Variants in C20orf96 observed in about 807,000 individuals in gnomAD.
C20orf96 encodes the protein uncharacterized protein C20orf96.
Under a neutral mutation model 52.6 loss-of-function variants are expected in C20orf96, and 57 were observed. The ratio of observed to expected loss-of-function variants is 1.08; its 90% CI spans 0.88 to 1.35. The LOEUF (loss-of-function observed/expected upper bound fraction) is 1.35, where lower values mean the gene tolerates loss of function less well. Ranked by LOEUF, C20orf96 falls within the 40% of genes most tolerant of loss-of-function variation. The pLI, the probability that C20orf96 is intolerant of heterozygous loss-of-function variation, is 0.00. For missense variants in C20orf96, 478 were observed against 443.6 expected, an observed-to-expected ratio of 1.08 and a Z score of -0.70; for synonymous variants, 168 against 157.2, an observed-to-expected ratio of 1.07 and a Z score of -0.51.
At chr20:289,765 T>C (rs2012489691) in intron 2 of C20orf96, 89 bp from the exon 3 acceptor site, 4 of 1,029,718 alleles carry the variant, frequency 3.9e-6, no homozygotes, top group Non-Finnish European at 6.0e-6. Flanking sequence ...AGCAAGTGAC[T>C]TGACCTCTCC....
intron 6 of C20orf96, 137 bp from the exon 7 acceptor site, chr20:277,520 T>C: frequency 1.2e-6 from 1 of 824,802 alleles, no homozygotes; most frequent in Admixed American, 2.3e-5. Flanking sequence ...CACACAGGGC[T>C]GGGAGGTGGT....
rs71327437 is a variant in C20orf96, at chr20:287,908, C to CAAAAAAAAAAAA, written c.187+1639_187+1650dup. ...TGAGCAACAAAGCGAGACTCCTTCT[C>CAAAAAAAAAAAA]AAAAAAAAAAAAAAAAAAAAAAGTC... On this transcript the variant is annotated intron_variant, in intron 3 of 10. Coordinates refer to ENST00000360321, the MANE Select transcript of C20orf96 (RefSeq NM_153269.3). Among the ~76,000 whole-genome samples, 43 of 63,060 alleles carry CAAAAAAAAAAAA rather than the reference C, an allele frequency of 6.8e-4. 1 individual carries two copies. The highest frequency in any genetic ancestry group is 9.2e-4 in the Non-Finnish European group (31 of 33,750). 41.4% of individuals were successfully genotyped at this position (63,060 alleles called of 152,430 possible).
At chr20:284,173 G>A in intron 3 of C20orf96, 92 bp from the exon 4 acceptor site, 1 of 861,600 alleles carries the variant, frequency 1.2e-6, no homozygotes, top group South Asian at 1.4e-5. Context: ...TGAGAGGAGG[G>A]CCAGACCCCA....
Position 279,177 on chromosome 20 carries a change from G to C in C20orf96, c.460C>G (p.Leu154Val). The C allele has an allele frequency of 6.3e-7, 1 of 1,590,468 alleles. No individual in the cohort carries two copies. Among genetic ancestry groups the C allele is most frequent in the Non-Finnish European group, 8.5e-7 (1 of 1,172,818 alleles). ...VRALLQQQDT[L>V]ATIIDILEYS... The stretch of plus-strand genomic sequence containing the variant: ...GCGGATGCCGCGGGTCTCACCGCCA[G>C]GGTGTCCTGCTGCTGCAGCAGGGCC... Residue 154 changes from leucine to valine, a missense_variant, in exon 5 of 11, where the codon CTG becomes GTG. Leu to Val is a conservative substitution (Grantham distance 32, BLOSUM62 1). Transcript: ENST00000360321.
intron 4 of C20orf96, among the ~76,000 whole-genome samples, chr20:280,717 C>T (rs1391490959): frequency 6.6e-6 from 1 of 152,182 alleles, no homozygotes; most frequent in African/African-American, 2.4e-5. Context: ...GGATGTTGAA[C>T]CTAGACACAC....
chr20:285,284 A>T (rs1050098496), intron 3 of C20orf96, among the ~76,000 whole-genome samples: 1 of 152,212 alleles, frequency 6.6e-6, no homozygotes, highest in Non-Finnish European at 1.5e-5. Flanking sequence ...GTGCAATGAC[A>T]TGGGACAAAT....
intron 1 of C20orf96, 97 bp downstream of exon 1, chr20:290,494 G>GC (rs3215551): frequency 0.61 from 956,891 of 1,559,496 alleles, 297,198 homozygotes; most frequent in African/African-American, 0.77. Flanking sequence ...AAGACCGAGG[G>GC]CGACCTCGAG....
At chr20:279,968 C>T (rs2122280630) in intron 4 of C20orf96, among the ~76,000 whole-genome samples, 1 of 151,866 alleles carries the variant, frequency 6.6e-6, no homozygotes, top group South Asian at 2.1e-4. Flanking sequence ...GATTCCTGTC[C>T]CAATAATAAT....
At chr20:287,305 G>T (rs6075732) in intron 3 of C20orf96, among the ~76,000 whole-genome samples, 56,479 of 152,046 alleles carry the variant, frequency 0.37, 10,795 homozygotes, top group East Asian at 0.51. Flanking sequence ...ACAATCTGAC[G>T]TCTCCTCTTT....
At position 290,682 on chromosome 20, in the gene C20orf96, A is replaced by C; in HGVS notation, c.-72T>G. 2 of 1,589,304 alleles carry C rather than the reference A, an allele frequency of 1.3e-6. No homozygotes were observed. The highest frequency in any genetic ancestry group is 1.7e-5 in the Admixed American group (1 of 58,778). ...CTGGTATAACTACTCGGCTTTTCCAACTTCCTTGTCTCAGTGTAGATCGCG... is the reference window on the plus strand; with the variant it reads ...CTGGTATAACTACTCGGCTTTTCCACCTTCCTTGTCTCAGTGTAGATCGCG... On this transcript the variant is annotated 5_prime_UTR_variant, in exon 1 of 11. Transcript: ENST00000360321.
intron 5 of C20orf96, among the ~76,000 whole-genome samples, chr20:278,922 C>A (rs79777376): frequency 0.036 from 781 of 21,572 alleles, 33 homozygotes; most frequent in East Asian, 0.092. Flanking sequence ...AGAGGGCGCG[C>A]GAGTGCGCGG....
At chr20:278,570 T>C (rs1264933960) in intron 5 of C20orf96, 141 bp from the exon 6 acceptor site, 2 of 687,496 alleles carry the variant, frequency 2.9e-6, no homozygotes, top group African/African-American at 3.5e-5. Context: ...AGTAACAGTG[T>C]CCACCCATAG....
rs539363192 is a variant in C20orf96, at chr20:279,434, C to G, written c.307-104G>C. The G allele has an allele frequency of 1.1e-3, 1,375 of 1,280,836 alleles. 1 individual carries two copies. Among genetic ancestry groups the G allele is most frequent in the Admixed American group, 1.7e-3 (49 of 28,108 alleles). 79.3% of individuals were successfully genotyped at this position (1,280,836 alleles called of 1,614,324 possible). The stretch of plus-strand genomic sequence containing the variant: ...CCCCGGCCCCGCCAGACGCCCGCCC[C>G]CGTGCGGCCTCCTGCTGGTAAACGC... On this transcript the variant is annotated intron_variant, in intron 4 of 10. Transcript: ENST00000360321.
At chr20:274,220 G>T (rs897372180) in intron 10 of C20orf96, among the ~76,000 whole-genome samples, 1 of 151,874 alleles carries the variant, frequency 6.6e-6, no homozygotes, top group Non-Finnish European at 1.5e-5. Context: ...GTGCTTCCTT[G>T]CTCCTGGTGT....
intron 3 of C20orf96, among the ~76,000 whole-genome samples, chr20:287,908 CAAAAA>C (rs71327437): frequency 5.5e-4 from 35 of 63,084 alleles, no homozygotes; most frequent in African/African-American, 1.8e-3. Flanking sequence ...GACTCCTTCT[CAAAAA>C]AAAAAAAAAA....
intron 5 of C20orf96, 103 bp downstream of exon 5, chr20:279,069 A>AGGGAGGGAGGGACGGAGGGAGGGC: frequency 5.6e-6 from 1 of 178,646 alleles, no homozygotes; most frequent in Non-Finnish European, 7.5e-6. Context: ...GGAGGGAGGG[A>AGGGAGGGAGGGACGGAGGGAGGGC]GGGAGGGAGG....
At chr20:279,387 C>T in intron 4 of C20orf96, 57 bp from the exon 5 acceptor site, 1 of 1,548,498 alleles carries the variant, frequency 6.5e-7, no homozygotes, top group African/African-American at 1.4e-5. Flanking sequence ...GCCTGAGCCC[C>T]CGAAAGCCCG....
At chr20:278,758 GTTA>G (rs2012111705) in intron 5 of C20orf96, among the ~76,000 whole-genome samples, 1 of 148,300 alleles carries the variant, frequency 6.7e-6, no homozygotes, top group East Asian at 2.1e-4. Flanking sequence ...GGGAGGCAAA[GTTA>G]ACTAAAAGTC....
chr20:271,385 C>T, intron 10 of C20orf96, 118 bp from the exon 11 acceptor site: 2 of 712,510 alleles, frequency 2.8e-6, no homozygotes, highest in South Asian at 3.8e-5. Context: ...GGGGCAATCC[C>T]AAAATACAAT....
Sources: gnomAD v4.1 joint callset for allele counts (sites outside exome capture counted in the v4.1 genomes callset) on GRCh38, gnomAD v4.1.1 for gene constraint, MANE v1.5 for transcripts, NCBI Gene and HGNC (gene_info 2026-07-23, HGNC 2026-07-21) for gene names.